Variants in ARNT2 observed in about 807,000 individuals in gnomAD.
ARNT2 encodes ARNT protein 2.
Under a neutral mutation model 91.7 loss-of-function variants are expected in ARNT2, and 36 were observed. The ratio of observed to expected loss-of-function variants is 0.39; its 90% CI spans 0.30 to 0.52. The LOEUF (loss-of-function observed/expected upper bound fraction) is 0.52. Among genes scored for constraint, ARNT2 ranks in the 20% least tolerant of loss-of-function variants. The pLI is 0.72. For missense variants in ARNT2, 775 were observed against 939.3 expected (o/e 0.83, Z 2.29); for synonymous variants, 365 against 347.1 (o/e 1.05, Z -0.57).
chr15:80,562,470 C>T lies in ARNT2; in HGVS notation c.1165-618C>T, dbSNP rs78088031. ...ATAATAAAACTCATCTTACCAAACT[C>T]TTATGAGGCTCTTTCTGAAGCAATA... On this transcript the variant is annotated intron_variant, in intron 11 of 18. Coordinates refer to ENST00000303329, the MANE Select transcript of ARNT2 (RefSeq NM_014862.4). 7.5e-3 allele frequency among the ~76,000 whole-genome samples: 1,147 copies of T among 152,274 alleles called. 13 individuals carry two copies. Among genetic ancestry groups the T allele is most frequent in the East Asian group, 0.038 (197 of 5,182 alleles).
intron 1 of ARNT2, among the ~76,000 whole-genome samples, chr15:80,420,442 G>GCATGTT (rs1261360036): frequency 2.0e-5 from 3 of 152,104 alleles, no homozygotes; most frequent in Non-Finnish European, 4.4e-5. Flanking sequence ...AGTGTTCTGA[G>GCATGTT]CATGTTTAAG....
intron 8 of ARNT2, among the ~76,000 whole-genome samples, chr15:80,534,143 C>T (rs548278604): frequency 1.1e-4 from 17 of 152,072 alleles, no homozygotes; most frequent in Non-Finnish European, 2.1e-4. Context: ...AAACTCCTAC[C>T]ATCATCAGGC....
At chr15:80,542,891 G>T in intron 8 of ARNT2, among the ~76,000 whole-genome samples, 1 of 151,798 alleles carries the variant, frequency 6.6e-6, no homozygotes, top group East Asian at 1.9e-4. Flanking sequence ...TGGCAAAAGC[G>T]CATTTGTGCC....
chr15:80,408,438 G>A (rs1895633864), intron 1 of ARNT2, among the ~76,000 whole-genome samples: 1 of 152,192 alleles, frequency 6.6e-6, no homozygotes, highest in Admixed American at 6.5e-5. Flanking sequence ...TTTGAAGACA[G>A]AGATTTTGAC....
At chr15:80,589,555 A>G (rs936274084) in intron 17 of ARNT2, among the ~76,000 whole-genome samples, 1 of 152,170 alleles carries the variant, frequency 6.6e-6, no homozygotes. Flanking sequence ...TTCCTTCAGC[A>G]CAGGTGGCTA....
Position 80,591,970 on chromosome 15 carries a change from C to T in ARNT2, c.2055+266C>T, listed in dbSNP as rs759350021. On this transcript the variant is annotated intron_variant, in intron 18 of 18. Coordinates refer to ENST00000303329, the MANE Select transcript of ARNT2 (RefSeq NM_014862.4). This position sits in a 1 kb window ranked among gnomAD's most constrained non-coding sequence, Gnocchi z 5.1. ...GCAGTTGGAGATGCTTCCCAGACTCCAGAGCTATCCAGGGTAGAGGCACAA... is the reference window on the plus strand; with the variant it reads ...GCAGTTGGAGATGCTTCCCAGACTCTAGAGCTATCCAGGGTAGAGGCACAA... Among the ~76,000 whole-genome samples, 5 of 152,134 alleles carry T rather than the reference C, an allele frequency of 3.3e-5. No individual in the cohort carries two copies. The highest frequency in any genetic ancestry group is 4.8e-5 in the African/African-American group (2 of 41,424).
At chr15:80,417,898 A>T (rs1895809702) in intron 1 of ARNT2, among the ~76,000 whole-genome samples, 1 of 152,058 alleles carries the variant, frequency 6.6e-6, no homozygotes, top group Non-Finnish European at 1.5e-5. Flanking sequence ...GGACCAGGGG[A>T]CCGTAGTGTG....
chr15:80,448,711 C>T (rs1004940666), intron 1 of ARNT2, among the ~76,000 whole-genome samples: 11 of 152,138 alleles, frequency 7.2e-5, no homozygotes, highest in Non-Finnish European at 1.5e-4. Context: ...GGGCCTGGCG[C>T]GGTGGCTAAC....
intron 1 of ARNT2, among the ~76,000 whole-genome samples, chr15:80,449,507 AT>A (rs537314064): frequency 1.0e-4 from 15 of 150,478 alleles, no homozygotes; most frequent in African/African-American, 2.4e-4. Flanking sequence ...TAAGAGGAGG[AT>A]TTTTTTTTTC....
At chr15:80,460,996 G>C (rs28669915) in intron 3 of ARNT2, among the ~76,000 whole-genome samples, 1,912 of 152,288 alleles carry the variant, frequency 0.013, 34 homozygotes, top group African/African-American at 0.043. Context: ...ATCAGAAGTG[G>C]AGGGATTAAT....
intron 1 of ARNT2, among the ~76,000 whole-genome samples, chr15:80,431,471 A>C (rs1005951143): frequency 6.6e-6 from 1 of 152,252 alleles, no homozygotes; most frequent in African/African-American, 2.4e-5. Context: ...GCTTCCCTTC[A>C]GGGTCCTGAA....
At chr15:80,577,020 G>A in intron 15 of ARNT2, 55 bp downstream of exon 15, 1 of 1,556,064 alleles carries the variant, frequency 6.4e-7, no homozygotes. Flanking sequence ...CACCAAGAAA[G>A]CCCTGGGTCT....
intron 2 of ARNT2, among the ~76,000 whole-genome samples, chr15:80,456,852 G>A (rs775810255): frequency 7.9e-5 from 12 of 151,990 alleles, no homozygotes; most frequent in Non-Finnish European, 1.8e-4. Context: ...AGCTGTTCAG[G>A]CAAGGAGTTT....
intron 3 of ARNT2, among the ~76,000 whole-genome samples, chr15:80,465,600 G>A (rs1175148204): frequency 1.3e-5 from 2 of 152,144 alleles, no homozygotes; most frequent in African/African-American, 4.8e-5. Flanking sequence ...TCTCAGATTT[G>A]GACCATGGCA....
chr15:80,570,975 A>C (rs181436531), intron 12 of ARNT2, among the ~76,000 whole-genome samples: 2 of 152,306 alleles, frequency 1.3e-5, no homozygotes, highest in Admixed American at 1.3e-4. Context: ...ACACACACAC[A>C]CCAGGGCCAT....
chr15:80,454,453 G>T (rs991100377), intron 2 of ARNT2, among the ~76,000 whole-genome samples: 8 of 152,206 alleles, frequency 5.3e-5, no homozygotes, highest in Admixed American at 5.2e-4. Context: ...GTTACTTATA[G>T]CCAATGGACT....
chr15:80,443,678 G>A (rs910554077), intron 1 of ARNT2, among the ~76,000 whole-genome samples: 7 of 152,182 alleles, frequency 4.6e-5, no homozygotes, highest in Admixed American at 3.3e-4. Context: ...CTAGGAAGAG[G>A]GGCCTGAGGC....
chr15:80,516,975 A>G (rs1249205101), intron 8 of ARNT2, among the ~76,000 whole-genome samples: 1 of 151,076 alleles, frequency 6.6e-6, no homozygotes, highest in African/African-American at 2.4e-5. Context: ...ACTTATGTGA[A>G]TGCTATCATC....
chr15:80,491,796 CT>C (rs58958624), intron 5 of ARNT2, among the ~76,000 whole-genome samples: 15,474 of 67,512 alleles, frequency 0.23, 1,271 homozygotes, highest in Non-Finnish European at 0.26. Context: ...CAGGACAGGC[CT>C]TTTTTTTTTT....
Sources: gnomAD v4.1 joint callset for allele counts (sites outside exome capture counted in the v4.1 genomes callset) on GRCh38, gnomAD v4.1.1 for gene constraint, Gnocchi (gnomAD v3.1) non-coding constraint, MANE v1.5 for transcripts, NCBI Gene and HGNC (gene_info 2026-07-23, HGNC 2026-07-21) for gene names.